MPP7: variants seen among roughly 807,000 people sequenced by gnomAD.
MPP7 encodes MAGUK p55 subfamily member 7.
A neutral mutation model predicts 76.5 loss-of-function variants in MPP7; 60 were observed. The observed-to-expected ratio is 0.78, with a 90% CI of 0.64 to 0.97. The LOEUF (loss-of-function observed/expected upper bound fraction) is 0.97. Among genes scored for constraint, MPP7 ranks in the 50% least tolerant of loss-of-function variants. The pLI, the probability that MPP7 is intolerant of heterozygous loss-of-function variation, is 0.00. For synonymous variants in MPP7, 237 were observed against 244.5 expected (o/e 0.97, Z 0.29); for missense variants, 641 against 694.0 (o/e 0.92, Z 0.86).
intron 2 of MPP7, 114 bp from the exon 3 acceptor site, chr10:28,202,385 G>A (rs567624235): frequency 1.7e-5 from 11 of 660,798 alleles, no homozygotes; most frequent in Admixed American, 1.2e-4. Flanking sequence ...TTTGTATTCC[G>A]GGCCATCAAG....
intron 1 of MPP7, among the ~76,000 whole-genome samples, chr10:28,265,188 G>GT (rs1840108952): frequency 6.6e-6 from 1 of 152,180 alleles, no homozygotes; most frequent in African/African-American, 2.4e-5. Context: ...GAGTCAACAG[G>GT]TTAAAGATGC....
chr10:28,310,002 CTTTTT>C (rs770667750), intron 2 of MPP7, among the ~76,000 whole-genome samples: 2 of 111,314 alleles, frequency 1.8e-5, no homozygotes, highest in African/African-American at 3.4e-5. Flanking sequence ...CCAATTAAAC[CTTTTT>C]TTTTTTTTTT....
intron 2 of MPP7, among the ~76,000 whole-genome samples, chr10:28,205,978 C>G (rs1040724491): frequency 2.0e-5 from 3 of 152,136 alleles, no homozygotes; most frequent in African/African-American, 7.2e-5. Context: ...TTCTCCCTCT[C>G]TTTGCCTTTC....
chr10:28,324,427 T>C (rs1022825184), intron 2 of MPP7, among the ~76,000 whole-genome samples: 3 of 152,188 alleles, frequency 2.0e-5, no homozygotes, highest in African/African-American at 7.2e-5. Flanking sequence ...AAAACACAGA[T>C]AGTAAGATTA....
At chr10:28,125,900 C>T (rs1014973069) in intron 6 of MPP7, among the ~76,000 whole-genome samples, 4 of 152,188 alleles carry the variant, frequency 2.6e-5, no homozygotes, top group Non-Finnish European at 5.9e-5. Flanking sequence ...ACTTTGAAAG[C>T]CTTTCCATGA....
chr10:28,171,133 A>G (rs1184331494), intron 3 of MPP7, among the ~76,000 whole-genome samples: 1 of 152,206 alleles, frequency 6.6e-6, no homozygotes, highest in African/African-American at 2.4e-5. Flanking sequence ...CCCTGTCAGC[A>G]TCGAGGGTAC....
intron 2 of MPP7, among the ~76,000 whole-genome samples, chr10:28,226,257 A>ATTTTTTTTTTTTTGAGCCCC (rs1838686632): frequency 6.8e-6 from 1 of 147,230 alleles, no homozygotes; most frequent in Non-Finnish European, 1.5e-5. Context: ...GGTAAAGTTA[A>ATTTTTTTTTTTTTGAGCCCC]TTTTTTTTTT....
intron 1 of MPP7, among the ~76,000 whole-genome samples, chr10:28,258,524 C>G (rs1408381022): frequency 1.3e-5 from 2 of 150,890 alleles, no homozygotes; most frequent in African/African-American, 4.9e-5. Context: ...CTCAGCCTCC[C>G]AAGTAGCTGG....
At chr10:28,131,016 A>G (rs1835173340) in intron 6 of MPP7, among the ~76,000 whole-genome samples, 1 of 152,144 alleles carries the variant, frequency 6.6e-6, no homozygotes, top group South Asian at 2.1e-4. Flanking sequence ...TTCTATATTA[A>G]GCTTTTTTTA....
chr10:28,255,736 T>C (rs1423449335), intron 1 of MPP7, among the ~76,000 whole-genome samples: 1 of 152,218 alleles, frequency 6.6e-6, no homozygotes, highest in Admixed American at 6.5e-5. Context: ...TATTTGTTAC[T>C]GAAATATAGT....
chr10:28,064,398 A>G (rs1851911202), intron 13 of MPP7, among the ~76,000 whole-genome samples: 1 of 152,242 alleles, frequency 6.6e-6, no homozygotes, highest in East Asian at 1.9e-4. Context: ...ATACTAAATC[A>G]TTCCAAATAA....
intron 1 of MPP7, among the ~76,000 whole-genome samples, chr10:28,270,856 G>A (rs370792147): frequency 2.6e-5 from 4 of 152,240 alleles, no homozygotes; most frequent in South Asian, 2.1e-4. Context: ...TTGAAATAGC[G>A]CATGTTGCCT....
At chr10:28,089,517 C>T (rs1452882636) in intron 12 of MPP7, among the ~76,000 whole-genome samples, 154 bp downstream of exon 12, 2 of 152,090 alleles carry the variant, frequency 1.3e-5, no homozygotes, top group Non-Finnish European at 2.9e-5. Flanking sequence ...CAATTACGTA[C>T]AAAAAACTAA....
At chr10:28,221,121 T>C (rs1838490789) in intron 2 of MPP7, among the ~76,000 whole-genome samples, 1 of 152,114 alleles carries the variant, frequency 6.6e-6, no homozygotes, top group South Asian at 2.1e-4. Flanking sequence ...AAAGACATGG[T>C]AGGTTAGAAA....
chr10:28,205,899 T>C (rs531164086), intron 2 of MPP7, among the ~76,000 whole-genome samples: 19 of 152,294 alleles, frequency 1.2e-4, no homozygotes, highest in South Asian at 8.3e-4. Context: ...GATAGATTAA[T>C]GCCATTATTG....
At chr10:28,329,008 C>T (rs1834446420) in intron 2 of MPP7, among the ~76,000 whole-genome samples, 1 of 152,078 alleles carries the variant, frequency 6.6e-6, no homozygotes, top group Non-Finnish European at 1.5e-5. Context: ...TATAAAGGTA[C>T]TGATATTTTC....
rs567215916 is a variant in MPP7 at position 28,143,588 on chromosome 10, G to C, written c.315+3895C>G. Reference sequence around the variant, plus strand: ...GTATGTGTGTATTCCTATCTTTGTGGATCAAATGCTTTTCTATTCCATGAT... The same window carrying C: ...GTATGTGTGTATTCCTATCTTTGTGCATCAAATGCTTTTCTATTCCATGAT... On this transcript the variant is annotated intron_variant, in intron 5 of 16. Transcript: ENST00000683449. Among the ~76,000 whole-genome samples, 51 of 141,786 alleles carry C rather than the reference G, an allele frequency of 3.6e-4. 1 individual carries two copies. The South Asian group carries it at 8.0e-3, about 22-fold the overall frequency. The allele number at this position is 141,786 out of a possible 152,430, so 93.0% of individuals were successfully genotyped here.
At position 28,125,031 on chromosome 10, in the gene MPP7, C is replaced by T; in HGVS notation, c.508G>A (p.Gly170Arg). Reference sequence around the variant, plus strand: ...TCACCACTTCTATCTGCAGCTCCTCCTCTCATGATTCTGGCCACAATGATC... The same window carrying T: ...TCACCACTTCTATCTGCAGCTCCTCTTCTCATGATTCTGGCCACAATGATC... ...GAIIVARIMR[G>R]GAADRSGLIH... The change falls in exon 7 of 17, where the codon GGA (glycine) becomes AGA (arginine). Residue 170 changes from glycine (G) to arginine (R), a missense_variant. Physicochemically the swap from Gly to Arg is moderately radical, Grantham distance 125. Coordinates refer to ENST00000683449, the MANE Select transcript of MPP7 (RefSeq NM_001318170.2). 2.5e-6 allele frequency: 4 copies of T among 1,614,002 alleles called. No individual in the cohort carries two copies. The highest frequency in any genetic ancestry group is 1.3e-5 in the African/African-American group (1 of 75,028).
At position 28,176,619 on chromosome 10, in the gene MPP7, C is replaced by G. The variant is rs570993779; in HGVS notation, c.156+25534G>C. ...AGGTGTCATGGCACATGCCTGTAATCCCAGCTACTAGGGAGGCTGAGGCAG... is the reference window on the plus strand; with the variant it reads ...AGGTGTCATGGCACATGCCTGTAATGCCAGCTACTAGGGAGGCTGAGGCAG... On this transcript the variant is annotated intron_variant, in intron 3 of 16. Transcript: ENST00000683449. Among the ~76,000 whole-genome samples, 600 of 151,720 alleles carry G rather than the reference C, an allele frequency of 4.0e-3. 6 individuals are homozygous for G. The highest frequency in any genetic ancestry group is 0.014 in the African/African-American group (591 of 41,390).
Sources: gnomAD v4.1 joint callset for allele counts (sites outside exome capture counted in the v4.1 genomes callset) on GRCh38, gnomAD v4.1.1 for gene constraint, MANE v1.5 for transcripts, NCBI Gene and HGNC (gene_info 2026-07-23, HGNC 2026-07-21) for gene names.